The following LIPA variants were observed in gnomAD, a reference collection of about 807,000 sequenced individuals.
LIPA encodes lysosomal acid lipase/cholesteryl ester hydrolase.
LIPA carries 26 observed loss-of-function variants against 40.6 expected under a neutral mutation model. The ratio of observed to expected loss-of-function variants is 0.64; its 90% CI spans 0.47 to 0.89. The LOEUF is 0.89. Ranked by LOEUF, LIPA falls within the 40% of genes least tolerant of loss-of-function variation. The pLI, the probability that LIPA is intolerant of heterozygous loss-of-function variation, is 0.00. For synonymous variants in LIPA, 188 were observed against 168.4 expected, an observed-to-expected ratio of 1.12 and a Z score of -0.90; for missense variants, 455 against 479.6, an observed-to-expected ratio of 0.95 and a Z score of 0.48.
intron 1 of LIPA, among the ~76,000 whole-genome samples, chr10:89,290,063 G>C (rs1392535925): frequency 6.6e-6 from 1 of 151,630 alleles, no homozygotes; most frequent in Non-Finnish European, 1.5e-5. Flanking sequence ...AATCTGGCCT[G>C]GTATATGACA....
intron 1 of LIPA, among the ~76,000 whole-genome samples, chr10:89,313,460 G>A (rs1284553358): frequency 2.0e-5 from 3 of 152,172 alleles, no homozygotes; most frequent in Admixed American, 6.5e-5. Flanking sequence ...AAATGGTGCA[G>A]CCACTTTGGA....
chr10:89,222,530 T>G lies in LIPA; in HGVS notation c.875A>C (p.Asn292Thr). The change falls in exon 8 of 10, where the codon AAC becomes ACC. Residue 292 changes from asparagine to threonine, a missense_variant. By Grantham distance (65) the Asn-to-Thr change is moderately conservative (BLOSUM62 0). Transcript: ENST00000336233. The stretch of plus-strand genomic sequence containing the variant: ...GCCTACCTGGCTCCAGTGTAACATG[T>G]TTTGCACAGAAGTTCCAGCAGGAGA... ...THSPAGTSVQ[N>T]MLHWSQAVKF... is the part of the protein sequence containing the mutation. 1 of 1,610,566 alleles carries G rather than the reference T, an allele frequency of 6.2e-7. No homozygotes were observed. Among genetic ancestry groups the G allele is most frequent in the Non-Finnish European group, 8.5e-7 (1 of 1,176,770 alleles).
chr10:89,291,759 G>T (rs1463425286), intron 1 of LIPA, among the ~76,000 whole-genome samples: 1 of 152,192 alleles, frequency 6.6e-6, no homozygotes, highest in African/African-American at 2.4e-5. Context: ...GGATACTGTT[G>T]TGGAAACAAC....
At chr10:89,344,528 G>A (rs1429496048), upstream of LIPA, among the ~76,000 whole-genome samples, 3 of 151,632 alleles carry the variant, frequency 2.0e-5, no homozygotes, top group Non-Finnish European at 4.4e-5. Context: ...AAAGCAGGGA[G>A]GAAAAAAAGT....
At chr10:89,330,871 TG>T (rs1320717307) in intron 1 of LIPA, among the ~76,000 whole-genome samples, 1 of 152,232 alleles carries the variant, frequency 6.6e-6, no homozygotes, top group Non-Finnish European at 1.5e-5. Flanking sequence ...ACTCCTGCAC[TG>T]AATTTCCAAG....
intron 2 of LIPA, among the ~76,000 whole-genome samples, chr10:89,376,175 G>A (rs1271605495): frequency 3.4e-5 from 4 of 119,198 alleles, no homozygotes; most frequent in East Asian, 5.0e-4. Flanking sequence ...GTGATACAGC[G>A]AGACTCTATC....
intron 5 of LIPA, among the ~76,000 whole-genome samples, chr10:89,225,855 G>A (rs913799784): frequency 6.6e-6 from 1 of 152,078 alleles, no homozygotes; most frequent in African/African-American, 2.4e-5. Context: ...CTTGAGATTT[G>A]ATGGTTTTAT....
chr10:89,330,594 T>C (rs1051002950), intron 1 of LIPA, among the ~76,000 whole-genome samples: 3 of 152,202 alleles, frequency 2.0e-5, no homozygotes, highest in Non-Finnish European at 4.4e-5. Context: ...CCCCAGGGCA[T>C]AATTTTCTAT....
intron 1 of LIPA, chr10:89,306,349 T>C (rs1426323502): frequency 3.7e-6 from 6 of 1,613,982 alleles, no homozygotes; most frequent in East Asian, 4.5e-5. Flanking sequence ...CCAGTCCCTA[T>C]AGAATTGAGA....
At chr10:89,371,771 C>T (rs1012470014) in intron 2 of LIPA, among the ~76,000 whole-genome samples, 2 of 152,148 alleles carry the variant, frequency 1.3e-5, no homozygotes, top group Non-Finnish European at 2.9e-5. Context: ...CCTTAAACAT[C>T]CTTGGAATTC....
intron 8 of LIPA, among the ~76,000 whole-genome samples, chr10:89,219,585 C>G (rs1239967888): frequency 6.6e-6 from 1 of 152,172 alleles, no homozygotes; most frequent in East Asian, 1.9e-4. Flanking sequence ...ACAAAATGGC[C>G]TTTAAGGTCA....
At chr10:89,364,403 G>T (rs1783440642) in intron 2 of LIPA, among the ~76,000 whole-genome samples, 1 of 152,118 alleles carries the variant, frequency 6.6e-6, no homozygotes, top group African/African-American at 2.4e-5. Context: ...TATGGGCAAA[G>T]ATGTTGACCC....
At chr10:89,326,813 A>G (rs945314536) in intron 1 of LIPA, among the ~76,000 whole-genome samples, 1 of 152,244 alleles carries the variant, frequency 6.6e-6, no homozygotes, top group African/African-American at 2.4e-5. Context: ...TGACAAAAAA[A>G]GTCAAACTCT....
At chr10:89,242,365 T>G (rs1842974457) in intron 3 of LIPA, among the ~76,000 whole-genome samples, 1 of 152,234 alleles carries the variant, frequency 6.6e-6, no homozygotes, top group Non-Finnish European at 1.5e-5. Context: ...GTGTGTATCT[T>G]CATTTCTGAG....
intron 3 of LIPA, among the ~76,000 whole-genome samples, chr10:89,236,656 T>TAAA (rs569956362): frequency 2.0e-5 from 3 of 151,008 alleles, no homozygotes; most frequent in Non-Finnish European, 4.4e-5. Flanking sequence ...AGATGACTGT[T>TAAA]AAAAAAAAAG....
intron 1 of LIPA, among the ~76,000 whole-genome samples, chr10:89,316,831 G>A (rs1843543892): frequency 6.6e-6 from 1 of 152,160 alleles, no homozygotes; most frequent in Non-Finnish European, 1.5e-5. Flanking sequence ...CTCCCAGTAG[G>A]GGCTGACTGA....
intron 2 of LIPA, among the ~76,000 whole-genome samples, chr10:89,348,071 T>G (rs919525185): frequency 6.6e-6 from 1 of 152,158 alleles, no homozygotes; most frequent in Admixed American, 6.5e-5. Context: ...GAGGAAGACA[T>G]CTGAGGTTTT....
At chr10:89,247,968 A>G in intron 1 of LIPA, 1 of 158,944 alleles carries the variant, frequency 6.3e-6, no homozygotes, top group Non-Finnish European at 1.3e-5. Flanking sequence ...TCCTGGTTCA[A>G]GCAATTCTTC....
chr10:89,249,148 A>G (rs1174853176), intron 1 of LIPA, among the ~76,000 whole-genome samples: 4 of 152,220 alleles, frequency 2.6e-5, no homozygotes, highest in Non-Finnish European at 4.4e-5. Flanking sequence ...TCATGGGAAA[A>G]AAGTGAAATG....
Sources: gnomAD v4.1 joint callset for allele counts (sites outside exome capture counted in the v4.1 genomes callset) on GRCh38, gnomAD v4.1.1 for gene constraint, MANE v1.5 for transcripts, NCBI Gene and HGNC (gene_info 2026-07-23, HGNC 2026-07-21) for gene names.